The following AGBL1 variants were observed in gnomAD, a reference collection of about 807,000 sequenced individuals.
The protein encoded by AGBL1 is AGBL carboxypeptidase 1.
AGBL1 carries 130 observed loss-of-function variants against 118.9 expected under a neutral mutation model. The observed-to-expected ratio is 1.09, with a 90% confidence interval of 0.95 to 1.26. The LOEUF is 1.26. Among genes scored for constraint, AGBL1 ranks in the 50% most tolerant of loss-of-function variants. AGBL1 has a pLI of 0.00. For missense variants in AGBL1, 1,584 were observed against 1,298.1 expected (o/e 1.22, Z -3.38); for synonymous variants, 555 against 478.9 (o/e 1.16, Z -2.08).
At chr15:86,597,962 C>T (rs979750367) in intron 21 of AGBL1, among the ~76,000 whole-genome samples, 8 of 152,096 alleles carry the variant, frequency 5.3e-5, no homozygotes, top group African/African-American at 1.9e-4. Context: ...TAGTCCTGAT[C>T]ATCCTGAGCT....
chr15:86,833,971 TA>T (rs1019695615), intron 22 of AGBL1, among the ~76,000 whole-genome samples: 16 of 152,278 alleles, frequency 1.1e-4, no homozygotes, highest in Admixed American at 7.2e-4. Flanking sequence ...GGGACACATT[TA>T]GTTTCCTGCA....
intron 22 of AGBL1, among the ~76,000 whole-genome samples, chr15:86,748,715 G>A (rs1372368137): frequency 1.3e-5 from 2 of 151,520 alleles, no homozygotes; most frequent in South Asian, 2.1e-4. Flanking sequence ...TCCAGTTTCA[G>A]CTTTCTACAT....
At chr15:86,756,087 G>A (rs1460699500) in intron 22 of AGBL1, among the ~76,000 whole-genome samples, 1 of 152,104 alleles carries the variant, frequency 6.6e-6, no homozygotes, top group Non-Finnish European at 1.5e-5. Context: ...CAGAAATATA[G>A]TAGGGTCAAT....
At chr15:86,863,596 C>A (rs1235796977) in intron 22 of AGBL1, among the ~76,000 whole-genome samples, 1 of 151,552 alleles carries the variant, frequency 6.6e-6, no homozygotes, top group African/African-American at 2.4e-5. Flanking sequence ...GTCACCATCT[C>A]TTGCTTGAGG....
chr15:86,653,827 G>A (rs2085418007), intron 21 of AGBL1, among the ~76,000 whole-genome samples: 1 of 152,108 alleles, frequency 6.6e-6, no homozygotes, highest in South Asian at 2.1e-4. Flanking sequence ...ACTAGCCAAT[G>A]TCTCATACTC....
chr15:86,836,396 A>T (rs1407629542), intron 22 of AGBL1, among the ~76,000 whole-genome samples: 1 of 152,164 alleles, frequency 6.6e-6, no homozygotes, highest in African/African-American at 2.4e-5. Flanking sequence ...TAGCGTACCA[A>T]TTTACACTAT....
At chr15:86,975,313 G>T (rs1489433923) in intron 23 of AGBL1, among the ~76,000 whole-genome samples, 1 of 152,020 alleles carries the variant, frequency 6.6e-6, no homozygotes, top group Non-Finnish European at 1.5e-5. Context: ...TTACGTGGTG[G>T]CAGGCAAGAG....
At chr15:86,499,589 G>C (rs1270168383) in intron 18 of AGBL1, among the ~76,000 whole-genome samples, 1 of 151,896 alleles carries the variant, frequency 6.6e-6, no homozygotes, top group African/African-American at 2.4e-5. Context: ...ACATTGACTT[G>C]AGGTTATTTA....
intron 24 of AGBL1, among the ~76,000 whole-genome samples, chr15:86,992,038 C>T (rs2081340847): frequency 6.6e-6 from 1 of 152,138 alleles, no homozygotes; most frequent in East Asian, 1.9e-4. Flanking sequence ...CCTAATTCTA[C>T]AGGCTGTACA....
At chr15:86,996,113 C>T (rs2081378058) in intron 24 of AGBL1, among the ~76,000 whole-genome samples, 1 of 152,194 alleles carries the variant, frequency 6.6e-6, no homozygotes, top group South Asian at 2.1e-4. Context: ...CTCCCAGCCT[C>T]CTAGCCCTGC....
rs908357129 is a variant in AGBL1, at chr15:86,907,268, G to A, written c.3340G>A (p.Gly1114Arg). The change falls in exon 23 of 23, where the codon GGG (glycine) becomes AGG (arginine). Residue 1114 changes from glycine (G) to arginine (R), a missense_variant. Physicochemically the swap from Gly to Arg is moderately radical, Grantham distance 125. Transcript: ENST00000614907. ...FEGEEEEEAP[G>R]QGGEAIP ...GGGAGAGGAAGAAGAGGAGGCACCAGGGCAGGGAGGAGAAGCCATCCCATA... is the reference window on the plus strand; with the variant it reads ...GGGAGAGGAAGAAGAGGAGGCACCAAGGCAGGGAGGAGAAGCCATCCCATA... 2.0e-5 allele frequency: 3 copies of A among 152,316 alleles called. No homozygotes were observed. Among genetic ancestry groups the A allele is most frequent in the Non-Finnish European group, 2.9e-5 (2 of 68,200 alleles). 9.4% of individuals were successfully genotyped at this position (152,316 alleles called of 1,614,324 possible).
At chr15:86,123,199 T>C (rs1597423712) in intron 1 of AGBL1, among the ~76,000 whole-genome samples, 1 of 152,114 alleles carries the variant, frequency 6.6e-6, no homozygotes, top group African/African-American at 2.4e-5. Context: ...AGGTTTTGTC[T>C]GCATGAGAAA....
chr15:86,537,780 T>C (rs1178903471), intron 19 of AGBL1, among the ~76,000 whole-genome samples: 3 of 152,184 alleles, frequency 2.0e-5, no homozygotes, highest in African/African-American at 4.8e-5. Context: ...TTAGAAGAAA[T>C]TGAACCTCAT....
At chr15:86,552,707 GTTGTAA>G (rs1323415525) in intron 20 of AGBL1, among the ~76,000 whole-genome samples, 3 of 152,258 alleles carry the variant, frequency 2.0e-5, no homozygotes, top group African/African-American at 7.2e-5. Flanking sequence ...CAATAATTCA[GTTGTAA>G]TTGTAATGAG....
chr15:86,992,849 T>G (rs1349519645), intron 24 of AGBL1, among the ~76,000 whole-genome samples: 1 of 152,206 alleles, frequency 6.6e-6, no homozygotes, highest in Non-Finnish European at 1.5e-5. Flanking sequence ...GTTCCTAGCT[T>G]GGCTTTTCAA....
intron 22 of AGBL1, among the ~76,000 whole-genome samples, chr15:86,752,546 G>T (rs1440126470): frequency 6.6e-6 from 1 of 152,120 alleles, no homozygotes; most frequent in Non-Finnish European, 1.5e-5. Context: ...CCAGATCCAT[G>T]CTTTAGGGAG....
At chr15:86,280,996 A>G (rs2079342965) in intron 16 of AGBL1, among the ~76,000 whole-genome samples, 1 of 152,224 alleles carries the variant, frequency 6.6e-6, no homozygotes, top group Non-Finnish European at 1.5e-5. Flanking sequence ...GTTATAAAAC[A>G]TGTTTTGTTG....
rs1274515650 is a variant in AGBL1, at chr15:86,915,247, G to T, written c.*7953G>T. On this transcript the variant is annotated 3_prime_UTR_variant, in exon 23 of 23. Coordinates refer to ENST00000614907, the MANE Select transcript of AGBL1 (RefSeq NM_001386094.1). ...TTTCCAACCCTTTCATCCCTGTGCA[G>T]CCTGATAGTATTAGGAAGGAAAACC... The T allele has an allele frequency of 6.6e-6, 1 of 152,148 alleles. No individual in the cohort carries two copies. The highest frequency in any genetic ancestry group is 2.4e-5 in the African/African-American group (1 of 41,408). 9.4% of individuals were successfully genotyped at this position (152,148 alleles called of 1,614,324 possible).
At chr15:86,234,725 C>T (rs1052101088) in intron 6 of AGBL1, among the ~76,000 whole-genome samples, 3 of 152,122 alleles carry the variant, frequency 2.0e-5, no homozygotes, top group African/African-American at 4.8e-5. Context: ...AAACAGTACA[C>T]TCCAAAGATA....
Sources: allele counts gnomAD v4.1 joint callset (sites outside exome capture counted in the v4.1 genomes callset), GRCh38; gene constraint gnomAD v4.1.1; transcripts MANE v1.5; gene names NCBI Gene and HGNC (gene_info 2026-07-23, HGNC 2026-07-21).